The following OVOL2 variants were observed in gnomAD, a reference collection of about 807,000 sequenced individuals.
OVOL2 encodes ovo like zinc finger 2.
In OVOL2, 13 loss-of-function variants were observed where a neutral mutation model predicts 18.1. The ratio of observed to expected loss-of-function variants is 0.72; its 90% CI spans 0.47 to 1.14. The LOEUF (loss-of-function observed/expected upper bound fraction) is 1.14, where lower values mean the gene tolerates loss of function less well. Ranked by LOEUF, OVOL2 falls within the 50% of genes most tolerant of loss-of-function variation. The pLI is 0.00. For missense variants in OVOL2, 335 were observed against 383.0 expected (o/e 0.87, Z 1.05); for synonymous variants, 166 against 162.7 (o/e 1.02, Z -0.16).
chr20:18,030,078 CTG>C (rs2036554605), intron 3 of OVOL2, among the ~76,000 whole-genome samples: 1 of 152,204 alleles, frequency 6.6e-6, no homozygotes, highest in Non-Finnish European at 1.5e-5. Context: ...TGGATGAACT[CTG>C]TTGGTTCCAG....
chr20:18,032,306 GGAGA>G (rs900981884), intron 3 of OVOL2, among the ~76,000 whole-genome samples: 9 of 134,952 alleles, frequency 6.7e-5, no homozygotes, highest in African/African-American at 2.0e-4. Flanking sequence ...AAGGAAGGAA[GGAGA>G]GAGAGAGAGA....
At chr20:18,032,938 T>C (rs1031473136) in intron 3 of OVOL2, among the ~76,000 whole-genome samples, 2 of 152,228 alleles carry the variant, frequency 1.3e-5, no homozygotes, top group Non-Finnish European at 2.9e-5. Context: ...CTAATGAACA[T>C]ATTACCTTTT....
chr20:18,037,761 G>A (rs749184397), intron 3 of OVOL2, among the ~76,000 whole-genome samples: 16 of 152,124 alleles, frequency 1.1e-4, no homozygotes, highest in Non-Finnish European at 2.4e-4. Context: ...TTCTTCAGAG[G>A]ATCTCCAGTG....
At position 18,024,383 on chromosome 20, in the gene OVOL2, C is replaced by T. The variant is rs1346058109; in HGVS notation, c.*253G>A. 3.4e-6 allele frequency: 2 copies of T among 589,024 alleles called. No homozygotes were observed. The highest frequency in any genetic ancestry group is 5.1e-6 in the Non-Finnish European group (2 of 390,336). 36.5% of individuals were successfully genotyped at this position (589,024 alleles called of 1,614,324 possible). On this transcript the variant is annotated 3_prime_UTR_variant, in exon 4 of 4. Coordinates refer to ENST00000278780, the MANE Select transcript of OVOL2 (RefSeq NM_021220.4). ...AAAAATCCCACACGGTGTTCTTGGCCATCAGGATCATGAAAACAAACTTTG... is the reference window on the plus strand; with the variant it reads ...AAAAATCCCACACGGTGTTCTTGGCTATCAGGATCATGAAAACAAACTTTG...
chr20:18,058,280 C>T (rs12106275), upstream of OVOL2, among the ~76,000 whole-genome samples: 1,262 of 151,970 alleles, frequency 8.3e-3, 15 homozygotes, highest in African/African-American at 0.029. Flanking sequence ...CTTGTGGAGC[C>T]TTCCTGGGGC....
chr20:18,026,381 CA>C (rs1323161109), intron 3 of OVOL2, among the ~76,000 whole-genome samples: 1 of 109,654 alleles, frequency 9.1e-6, no homozygotes, highest in Non-Finnish European at 1.9e-5. Flanking sequence ...ATCAGGAATC[CA>C]TTTTTTTTTT....
intron 2 of OVOL2, among the ~76,000 whole-genome samples, chr20:18,046,091 G>A (rs1440334439): frequency 6.6e-6 from 1 of 152,102 alleles, no homozygotes; most frequent in Non-Finnish European, 1.5e-5. Context: ...AAGTCTTCAG[G>A]AGCCTTGTTG....
intron 2 of OVOL2, among the ~76,000 whole-genome samples, chr20:18,043,572 G>GC (rs1458305863): frequency 6.6e-6 from 1 of 152,092 alleles, no homozygotes; most frequent in Non-Finnish European, 1.5e-5. Context: ...TGAATGAGTC[G>GC]CCCCCACTAA....
intron 2 of OVOL2, among the ~76,000 whole-genome samples, chr20:18,046,124 A>C (rs1167283168): frequency 6.6e-6 from 1 of 152,228 alleles, no homozygotes; most frequent in Non-Finnish European, 1.5e-5. Flanking sequence ...AGGTTATTTA[A>C]TGGCAAAAAA....
At chr20:18,050,570 AAGTTTAACACC>A (rs2036763395) in intron 2 of OVOL2, 1 of 152,176 alleles carries the variant, frequency 6.6e-6, no homozygotes. Flanking sequence ...ACCTATATTC[AAGTTTAACACC>A]AGGCAATTAA....
chr20:18,032,246 A>G (rs2036576525), intron 3 of OVOL2, among the ~76,000 whole-genome samples: 1 of 151,454 alleles, frequency 6.6e-6, no homozygotes, highest in South Asian at 2.1e-4. Context: ...GGAAGAAGGG[A>G]AGGAAAGAAG....
intron 2 of OVOL2, among the ~76,000 whole-genome samples, chr20:18,045,588 T>C (rs562608922): frequency 6.6e-6 from 1 of 152,244 alleles, no homozygotes; most frequent in South Asian, 2.1e-4. Context: ...TTTAAGGGAG[T>C]ACAGGGCCAG....
chr20:18,036,091 C>T (rs1000955260), intron 3 of OVOL2, among the ~76,000 whole-genome samples: 4 of 151,924 alleles, frequency 2.6e-5, no homozygotes, highest in Admixed American at 1.3e-4. Context: ...GTCAGGAGTT[C>T]GAAACCAGCC....
chr20:18,057,961 G>C, upstream of OVOL2: 1 of 1,042,072 alleles, frequency 9.6e-7, no homozygotes, highest in Admixed American at 4.8e-5. The surrounding 1 kb of genome is among the most constrained non-coding windows in gnomAD (Gnocchi z 6.3). Context: ...CAACAAGCTC[G>C]CTACCTGTCC....
At chr20:18,036,417 C>G (rs1179947208) in intron 3 of OVOL2, among the ~76,000 whole-genome samples, 1 of 152,220 alleles carries the variant, frequency 6.6e-6, no homozygotes, top group Non-Finnish European at 1.5e-5. Flanking sequence ...TCCTCTGAGA[C>G]TCAGGAGCCA....
At chr20:18,048,590 G>A (rs940588328) in intron 2 of OVOL2, among the ~76,000 whole-genome samples, 11 of 152,222 alleles carry the variant, frequency 7.2e-5, no homozygotes, top group African/African-American at 2.4e-4. Context: ...GCTGGGCATG[G>A]TGATGCACAC....
chr20:18,056,538 G>A lies in OVOL2; in HGVS notation c.321+119C>T. On this transcript the variant is annotated intron_variant, in intron 2 of 3. Transcript: ENST00000278780. The surrounding 1 kb of genome is among the most constrained non-coding windows in gnomAD (Gnocchi z 4.2). ...CAGGTGCAGGAGCGGCGCGGCGGGCGCGCTCGGGGCGCGGGTGCCGGGTTG... is the reference window on the plus strand; with the variant it reads ...CAGGTGCAGGAGCGGCGCGGCGGGCACGCTCGGGGCGCGGGTGCCGGGTTG... 1.9e-6 allele frequency: 2 copies of A among 1,080,588 alleles called. No individual in the cohort carries two copies. Among genetic ancestry groups the A allele is most frequent in the Non-Finnish European group, 2.2e-6 (2 of 892,550 alleles). 66.9% of individuals were successfully genotyped at this position (1,080,588 alleles called of 1,614,324 possible).
Position 18,056,723 on chromosome 20 carries a change from G to A in OVOL2, c.255C>T (p.Gly85=). The A allele has an allele frequency of 6.8e-7, 1 of 1,464,776 alleles. No homozygotes were observed. The highest frequency in any genetic ancestry group is 9.0e-7 in the Non-Finnish European group (1 of 1,114,612). The allele number at this position is 1,464,776 out of a possible 1,614,324, so 90.7% of individuals were successfully genotyped here. A position where few individuals can be genotyped will look rare whatever the true frequency, so the allele number is the denominator to read the frequency against. ...GGTGTCCATCGGGGCCCTCGGCGTCGCCGGGCTCGGGGGTTTCGCTCTCGG... is the reference window on the plus strand; with the variant it reads ...GGTGTCCATCGGGGCCCTCGGCGTCACCGGGCTCGGGGGTTTCGCTCTCGG... ...HAPESETPEP[G]DAEGPDGHLA... The change falls in exon 2 of 4, where the codon GGC becomes GGT. Residue 85 remains glycine, a synonymous_variant. Transcript: ENST00000278780. The surrounding 1 kb of genome is among the most constrained non-coding windows in gnomAD (Gnocchi z 4.2).
chr20:18,048,076 CAGG>C (rs1217112803), intron 2 of OVOL2, among the ~76,000 whole-genome samples: 1 of 151,046 alleles, frequency 6.6e-6, no homozygotes, highest in Admixed American at 6.6e-5. Context: ...CACCTGAGGT[CAGG>C]AGTTCGAGAC....
Sources: allele counts gnomAD v4.1 joint callset (sites outside exome capture counted in the v4.1 genomes callset), GRCh38; gene constraint gnomAD v4.1.1; non-coding constraint Gnocchi (gnomAD v3.1); transcripts MANE v1.5; gene names NCBI Gene and HGNC (gene_info 2026-07-23, HGNC 2026-07-21).